RSU1: variants seen among roughly 807,000 people sequenced by gnomAD.
RSU1 encodes the protein Ras suppressor protein 1.
Under a neutral mutation model 31.1 loss-of-function variants are expected in RSU1, and 26 were observed. That is an observed-to-expected ratio of 0.84 (90% CI 0.61 to 1.16). RSU1 has a LOEUF of 1.16. Among genes scored for constraint, RSU1 ranks in the 50% most tolerant of loss-of-function variants. The pLI, the probability that RSU1 is intolerant of heterozygous loss-of-function variation, is 0.00. For synonymous variants in RSU1, 164 were observed against 136.3 expected, an observed-to-expected ratio of 1.20 and a Z score of -1.41; for missense variants, 320 against 339.1, an observed-to-expected ratio of 0.94 and a Z score of 0.44.
chr10:16,722,851 C>T (rs58226068), intron 7 of RSU1, among the ~76,000 whole-genome samples: 17,965 of 97,150 alleles, frequency 0.18, 3,010 homozygotes, highest in African/African-American at 0.46. Flanking sequence ...TATATATACA[C>T]ACATATATAC....
chr10:16,655,944 C>G (rs565404294), intron 8 of RSU1, among the ~76,000 whole-genome samples: 1 of 151,904 alleles, frequency 6.6e-6, no homozygotes, highest in East Asian at 1.9e-4. Context: ...TTGAGGCCTG[C>G]CTGTAATTAT....
rs570046447 is a variant in RSU1, at chr10:16,617,928, G to T, written c.732-24432C>A. On this transcript the variant is annotated intron_variant, in intron 8 of 8. Coordinates refer to ENST00000345264, the MANE Select transcript of RSU1 (RefSeq NM_012425.4). ...CATTCAGGACATAGGCATGGGCAAAGACTTCATGACTAAAACACCAAAAGC... is the reference window on the plus strand; with the variant it reads ...CATTCAGGACATAGGCATGGGCAAATACTTCATGACTAAAACACCAAAAGC... 1.4e-4 allele frequency among the ~76,000 whole-genome samples: 22 copies of T among 152,306 alleles called. No homozygotes were observed. In the East Asian group the frequency reaches 2.9e-3, roughly 20 times the overall value.
At chr10:16,801,573 C>T (rs1460127837) in intron 2 of RSU1, among the ~76,000 whole-genome samples, 2 of 152,106 alleles carry the variant, frequency 1.3e-5, no homozygotes, top group Non-Finnish European at 2.9e-5. Context: ...ACTACTCCAT[C>T]TAACAGAAAA....
At chr10:16,759,909 C>T (rs1330168266) in intron 4 of RSU1, among the ~76,000 whole-genome samples, 3 of 151,168 alleles carry the variant, frequency 2.0e-5, no homozygotes, top group Non-Finnish European at 4.4e-5. Context: ...TTCCCATCTC[C>T]ACTTTGTGAT....
intron 8 of RSU1, among the ~76,000 whole-genome samples, chr10:16,640,382 T>C (rs1834419786): frequency 6.6e-6 from 1 of 152,174 alleles, no homozygotes; most frequent in Non-Finnish European, 1.5e-5. Flanking sequence ...CCACTGTCTC[T>C]CATCTGGCTC....
chr10:16,786,778 C>T (rs554344247), intron 2 of RSU1, among the ~76,000 whole-genome samples: 14 of 152,074 alleles, frequency 9.2e-5, no homozygotes, highest in Non-Finnish European at 1.6e-4. Context: ...GCCTTTAAAC[C>T]GTTTACTTAT....
intron 8 of RSU1, among the ~76,000 whole-genome samples, chr10:16,675,981 G>A (rs1461523054): frequency 6.6e-6 from 1 of 152,190 alleles, no homozygotes; most frequent in African/African-American, 2.4e-5. Flanking sequence ...GGATCACGCA[G>A]AAAGCTTGGT....
chr10:16,660,645 C>CTTTTTT (rs796601054), intron 8 of RSU1, among the ~76,000 whole-genome samples: 27,339 of 77,566 alleles, frequency 0.35, 6,034 homozygotes, highest in South Asian at 0.59. Flanking sequence ...CTTGAACTCT[C>CTTTTTT]TTTTTTTTTT....
At position 16,693,488 on chromosome 10, in the gene RSU1, A is replaced by C. The variant is rs528545333; in HGVS notation, c.731+1535T>G. 2.9e-3 allele frequency among the ~76,000 whole-genome samples: 441 copies of C among 152,234 alleles called. 6 individuals carry two copies. The highest frequency in any genetic ancestry group is 3.9e-3 in the Non-Finnish European group (265 of 68,002). Reference sequence around the variant, plus strand: ...CATATTTCTGATACCAAAAAAAAAAAAAAGAAAAGAAACTCTTAACTAAAT... The same window carrying C: ...CATATTTCTGATACCAAAAAAAAAACAAAGAAAAGAAACTCTTAACTAAAT... On this transcript the variant is annotated intron_variant, in intron 8 of 8. Transcript: ENST00000345264.
intron 2 of RSU1, among the ~76,000 whole-genome samples, chr10:16,801,349 C>G (rs1438130993): frequency 6.6e-6 from 1 of 152,078 alleles, no homozygotes. Flanking sequence ...CACAGCAATC[C>G]TTAATGTGAA....
At chr10:16,682,870 C>G (rs919123099) in intron 8 of RSU1, among the ~76,000 whole-genome samples, 1 of 152,110 alleles carries the variant, frequency 6.6e-6, no homozygotes, top group Non-Finnish European at 1.5e-5. Flanking sequence ...ACCCTCCACA[C>G]CGCACATGCC....
chr10:16,688,479 A>G (rs1279697449), intron 8 of RSU1, among the ~76,000 whole-genome samples: 1 of 152,100 alleles, frequency 6.6e-6, no homozygotes. Context: ...TGTGGTAGCG[A>G]GCGCCTGCAG....
chr10:16,810,715 G>A (rs936652447), intron 2 of RSU1, among the ~76,000 whole-genome samples: 4 of 152,126 alleles, frequency 2.6e-5, no homozygotes, highest in Non-Finnish European at 5.9e-5. Context: ...CACCATCACA[G>A]ATAAAATGGT....
At chr10:16,727,100 TG>T in intron 7 of RSU1, 2 of 456,676 alleles carry the variant, frequency 4.4e-6, no homozygotes, top group South Asian at 3.1e-5. Context: ...GGCTGCCAGT[TG>T]GTGGTTTTTG....
chr10:16,641,835 C>T (rs1313825384), intron 8 of RSU1, among the ~76,000 whole-genome samples: 1 of 152,206 alleles, frequency 6.6e-6, no homozygotes, highest in Non-Finnish European at 1.5e-5. Flanking sequence ...AAGGCACGGG[C>T]TGGGTTGTAC....
chr10:16,648,675 G>A (rs1254416805), intron 8 of RSU1, among the ~76,000 whole-genome samples: 1 of 152,036 alleles, frequency 6.6e-6, no homozygotes, highest in Non-Finnish European at 1.5e-5. Flanking sequence ...CTACTTGAAA[G>A]CACTGCTTTC....
At chr10:16,762,267 C>G (rs1837223791) in intron 4 of RSU1, among the ~76,000 whole-genome samples, 1 of 151,580 alleles carries the variant, frequency 6.6e-6, no homozygotes, top group African/African-American at 2.4e-5. Flanking sequence ...CAGTATGTGC[C>G]AAGCACTGTT....
chr10:16,600,974 C>T (rs1264979004), intron 8 of RSU1, among the ~76,000 whole-genome samples: 2 of 152,158 alleles, frequency 1.3e-5, no homozygotes, highest in African/African-American at 2.4e-5. Context: ...GACCCCACCC[C>T]GCGGAGCCAT....
At chr10:16,743,746 G>C (rs1180662518) in intron 7 of RSU1, among the ~76,000 whole-genome samples, 1 of 152,148 alleles carries the variant, frequency 6.6e-6, no homozygotes, top group Non-Finnish European at 1.5e-5. Flanking sequence ...CAAAAATCTA[G>C]TCTAAAAAAA....
Sources: gnomAD v4.1 joint callset for allele counts (sites outside exome capture counted in the v4.1 genomes callset) on GRCh38, gnomAD v4.1.1 for gene constraint, MANE v1.5 for transcripts, NCBI Gene and HGNC (gene_info 2026-07-23, HGNC 2026-07-21) for gene names.